The following LINGO2 variants were observed in gnomAD, a reference collection of about 807,000 sequenced individuals.
LINGO2 encodes leucine-rich repeat and immunoglobulin-like domain-containing nogo receptor-interacting protein 2.
LINGO2 carries 14 observed loss-of-function variants against 30.6 expected under a neutral mutation model. The observed-to-expected ratio is 0.46, with a 90% CI of 0.30 to 0.72. LINGO2 has a LOEUF of 0.72. Ranked by LOEUF, LINGO2 falls within the 30% of genes least tolerant of loss-of-function variation. The pLI, the probability that LINGO2 is intolerant of heterozygous loss-of-function variation, is 0.07. For missense variants in LINGO2, 729 were observed against 751.7 expected (o/e 0.97, Z 0.35); for synonymous variants, 317 against 288.5 (o/e 1.10, Z -1.00).
At chr9:28,901,903 T>C in the LINGO2 span, among the ~76,000 whole-genome samples, 2 of 152,010 alleles carry the variant, frequency 1.3e-5, no homozygotes, top group African/African-American at 2.4e-5. Context: ...TAAAAAGACA[T>C]AGATTGACCA....
the LINGO2 span, among the ~76,000 whole-genome samples, chr9:28,747,875 G>A: frequency 5.3e-5 from 8 of 152,170 alleles, no homozygotes; most frequent in African/African-American, 1.7e-4. Flanking sequence ...CTGATGTGGG[G>A]CTTAACCAGA....
the LINGO2 span, among the ~76,000 whole-genome samples, chr9:28,942,059 T>TA: frequency 6.6e-6 from 1 of 152,162 alleles, no homozygotes; most frequent in African/African-American, 2.4e-5. Context: ...CCAACGTTTT[T>TA]ATCCCCCAGG....
rs71338344 is a variant in LINGO2, at chr9:28,632,813, CTA to C, written c.-365+37385_-365+37386del. Among the ~76,000 whole-genome samples, 10 of 96,388 alleles carry C rather than the reference CTA, an allele frequency of 1.0e-4. 1 individual carries two copies. Among genetic ancestry groups the C allele is most frequent in the East Asian group, 8.7e-4 (3 of 3,440 alleles). The allele number at this position is 96,388 out of a possible 152,430, so 63.2% of individuals were successfully genotyped here. ...TATTATATAGATTTATATAGATGAT[CTA>C]TATATATTATATATTATATATATAA... On this transcript the variant is annotated intron_variant, in intron 1 of 5. Coordinates refer to ENST00000379992, the Ensembl canonical transcript of LINGO2.
the LINGO2 span, among the ~76,000 whole-genome samples, chr9:28,684,173 A>ATTTTTT: frequency 1.9e-5 from 1 of 52,984 alleles, no homozygotes; most frequent in Non-Finnish European, 4.4e-5. Flanking sequence ...TAAAATGTTT[A>ATTTTTT]TCTTTTTTTT....
chr9:28,271,552 C>T (rs1198018166), intron 4 of LINGO2, among the ~76,000 whole-genome samples: 1 of 152,136 alleles, frequency 6.6e-6, no homozygotes, highest in African/African-American at 2.4e-5. Flanking sequence ...AAACTAAAGA[C>T]ACCTGGACAT....
intron 4 of LINGO2, among the ~76,000 whole-genome samples, chr9:28,049,681 A>G (rs1264249742): frequency 6.6e-6 from 1 of 150,690 alleles, no homozygotes; most frequent in African/African-American, 2.5e-5. Flanking sequence ...ATGAGACCAA[A>G]TGTGTAAAGG....
At chr9:28,419,454 T>C (rs57800009) in intron 2 of LINGO2, among the ~76,000 whole-genome samples, 1 of 152,118 alleles carries the variant, frequency 6.6e-6, no homozygotes, top group Non-Finnish European at 1.5e-5. Flanking sequence ...ATTTGCTTAA[T>C]GTAAGCTGTT....
At chr9:28,913,943 G>A in the LINGO2 span, among the ~76,000 whole-genome samples, 1 of 152,094 alleles carries the variant, frequency 6.6e-6, no homozygotes, top group Non-Finnish European at 1.5e-5. Flanking sequence ...ATACATGATA[G>A]TCACTATCAT....
the LINGO2 span, among the ~76,000 whole-genome samples, chr9:28,780,694 C>A: frequency 5.3e-5 from 8 of 152,194 alleles, no homozygotes; most frequent in Admixed American, 2.0e-4. Flanking sequence ...ATTAGATAAA[C>A]TGTGTACATT....
At chr9:28,072,242 A>G (rs1825500689) in intron 4 of LINGO2, among the ~76,000 whole-genome samples, 1 of 152,190 alleles carries the variant, frequency 6.6e-6, no homozygotes, top group Non-Finnish European at 1.5e-5. Context: ...TGGAAAAGCT[A>G]CTTCTCTATT....
chr9:28,380,754 T>C (rs767875368), intron 2 of LINGO2, among the ~76,000 whole-genome samples: 1 of 152,104 alleles, frequency 6.6e-6, no homozygotes, highest in Non-Finnish European at 1.5e-5. Context: ...TTGACAGCGA[T>C]ATGTAGGATA....
intron 4 of LINGO2, among the ~76,000 whole-genome samples, chr9:28,206,151 T>G (rs1587222454): frequency 9.0e-6 from 1 of 110,520 alleles, no homozygotes; most frequent in Non-Finnish European, 1.7e-5. Context: ...AGTGACAGAG[T>G]GAGACCCTGT....
the LINGO2 span, among the ~76,000 whole-genome samples, chr9:28,825,911 G>A: frequency 6.6e-6 from 1 of 152,058 alleles, no homozygotes; most frequent in East Asian, 1.9e-4. Flanking sequence ...TTTGAAACAG[G>A]TAACTGACTT....
the LINGO2 span, among the ~76,000 whole-genome samples, chr9:28,894,379 C>T: frequency 6.6e-6 from 1 of 151,996 alleles, no homozygotes; most frequent in African/African-American, 2.4e-5. Context: ...TCGCTTCAAG[C>T]TTTATGCTTA....
At chr9:28,474,418 A>T (rs77242415) in intron 2 of LINGO2, among the ~76,000 whole-genome samples, 3 of 152,046 alleles carry the variant, frequency 2.0e-5, no homozygotes, top group East Asian at 3.9e-4. Flanking sequence ...ACATAAAAAA[A>T]CTTGAGAAAG....
At chr9:28,876,232 G>GTAT in the LINGO2 span, among the ~76,000 whole-genome samples, 31 of 151,440 alleles carry the variant, frequency 2.0e-4, no homozygotes, top group African/African-American at 6.8e-4. Context: ...CTACGATATA[G>GTAT]TATTATTATT....
At chr9:28,964,268 C>T in the LINGO2 span, among the ~76,000 whole-genome samples, 1 of 151,828 alleles carries the variant, frequency 6.6e-6, no homozygotes, top group African/African-American at 2.4e-5. Flanking sequence ...TATTACAGAA[C>T]AGAGAAGGGC....
chr9:29,079,712 A>T, the LINGO2 span, among the ~76,000 whole-genome samples: 1 of 152,110 alleles, frequency 6.6e-6, no homozygotes, highest in South Asian at 2.1e-4. Context: ...GCAACGAAAG[A>T]TATGCAAAGT....
At chr9:27,991,628 T>A (rs1241586375) in intron 5 of LINGO2, among the ~76,000 whole-genome samples, 1 of 151,928 alleles carries the variant, frequency 6.6e-6, no homozygotes, top group Non-Finnish European at 1.5e-5. Context: ...TTCAAACACA[T>A]AGGAACACAA....
Sources: allele counts gnomAD v4.1 joint callset (sites outside exome capture counted in the v4.1 genomes callset), GRCh38; gene constraint gnomAD v4.1.1; transcripts MANE v1.5; gene names NCBI Gene and HGNC (gene_info 2026-07-23, HGNC 2026-07-21).